AGAP1: variants seen among roughly 807,000 people sequenced by gnomAD.
AGAP1 encodes arf-GAP with GTPase, ANK repeat and PH domain-containing protein 1.
AGAP1 carries 29 observed loss-of-function variants against 105.3 expected under a neutral mutation model. The observed-to-expected ratio is 0.28, with a 90% CI of 0.21 to 0.38. AGAP1 has a LOEUF of 0.38. Among genes scored for constraint, AGAP1 ranks in the 10% least tolerant of loss-of-function variants. The pLI is 1.00. For synonymous variants in AGAP1, 509 were observed against 485.9 expected (o/e 1.05, Z -0.63); for missense variants, 998 against 1,165.1 (o/e 0.86, Z 2.09).
chr2:236,052,485 A>G (rs2125720209), intron 16 of AGAP1, among the ~76,000 whole-genome samples: 1 of 152,302 alleles, frequency 6.6e-6, no homozygotes, highest in East Asian at 1.9e-4. Context: ...ACCCCTGATT[A>G]GGGCAGCTTC....
chr2:235,878,987 G>C (rs765811817), intron 9 of AGAP1, among the ~76,000 whole-genome samples: 11 of 152,202 alleles, frequency 7.2e-5, no homozygotes, highest in Non-Finnish European at 1.3e-4. Context: ...GGCAGTGGCT[G>C]GGACACCCAG....
chr2:235,585,034 T>C (rs1200659108), intron 1 of AGAP1, among the ~76,000 whole-genome samples: 1 of 151,632 alleles, frequency 6.6e-6, no homozygotes, highest in Non-Finnish European at 1.5e-5. Context: ...TTTCTGACTC[T>C]CTGAGAGAGA....
At chr2:235,831,750 T>C (rs904935414) in intron 9 of AGAP1, among the ~76,000 whole-genome samples, 9 of 152,218 alleles carry the variant, frequency 5.9e-5, no homozygotes, top group African/African-American at 1.9e-4. Context: ...TTTGCAATTA[T>C]GATTAATGCT....
intron 6 of AGAP1, among the ~76,000 whole-genome samples, chr2:235,784,425 T>A (rs573536102): frequency 1.3e-5 from 2 of 152,212 alleles, no homozygotes; most frequent in African/African-American, 4.8e-5. Flanking sequence ...ATCAGTATTC[T>A]CTGCTGAACT....
At chr2:235,589,418 G>T (rs974661694) in intron 1 of AGAP1, among the ~76,000 whole-genome samples, 10 of 151,956 alleles carry the variant, frequency 6.6e-5, no homozygotes, top group South Asian at 4.2e-4. Context: ...TTTTGGCCAG[G>T]CTGGTCTCGA....
chr2:236,069,683 C>T (rs1236753785), intron 16 of AGAP1, among the ~76,000 whole-genome samples: 1 of 152,194 alleles, frequency 6.6e-6, no homozygotes, highest in African/African-American at 2.4e-5. Flanking sequence ...CTCAGCCTCC[C>T]AAAGTGCTGG....
chr2:235,499,506 C>G (rs1482508633), intron 1 of AGAP1, among the ~76,000 whole-genome samples: 1 of 152,204 alleles, frequency 6.6e-6, no homozygotes, highest in African/African-American at 2.4e-5. Context: ...CAGTCCCCTC[C>G]TTAAAAATAA....
intron 6 of AGAP1, among the ~76,000 whole-genome samples, chr2:235,764,207 G>A (rs1389736665): frequency 1.3e-5 from 2 of 152,202 alleles, no homozygotes; most frequent in African/African-American, 2.4e-5. Flanking sequence ...ACACTTCAAA[G>A]GAGGCAAAGA....
intron 1 of AGAP1, among the ~76,000 whole-genome samples, chr2:235,672,743 A>C (rs1948503882): frequency 6.6e-6 from 1 of 152,236 alleles, no homozygotes; most frequent in Non-Finnish European, 1.5e-5. Flanking sequence ...GAGAGAAAGA[A>C]AAACGCACAG....
intron 1 of AGAP1, among the ~76,000 whole-genome samples, chr2:235,570,041 T>C (rs943325561): frequency 2.0e-5 from 3 of 152,246 alleles, no homozygotes; most frequent in African/African-American, 7.2e-5. Flanking sequence ...TTTCTTTCCT[T>C]CTCTCTGTTT....
intron 1 of AGAP1, among the ~76,000 whole-genome samples, chr2:235,702,934 G>GTTTTTTTTTTTTTTTTTTTT (rs549844265): frequency 0.076 from 6,713 of 88,210 alleles, 1,522 homozygotes; most frequent in Non-Finnish European, 0.11. Flanking sequence ...AGTTTTCTTG[G>GTTTTTTTTTTTTTTTTTTTT]TTTTTTTTTT....
intron 11 of AGAP1, among the ~76,000 whole-genome samples, chr2:235,917,696 AAT>A (rs1385181777): frequency 1.3e-5 from 2 of 152,154 alleles, no homozygotes; most frequent in African/African-American, 4.8e-5. Flanking sequence ...CCCGGAGATT[AAT>A]GAGGCCTAAG....
chr2:235,768,348 T>C (rs2149829311), intron 6 of AGAP1, among the ~76,000 whole-genome samples: 1 of 152,352 alleles, frequency 6.6e-6, no homozygotes, highest in Admixed American at 6.5e-5. Context: ...CTCAGTATTC[T>C]TCAAACATTT....
rs140923135 is a variant in AGAP1 at position 235,960,434 on chromosome 2, G to A, written c.1484-8028G>A. On this transcript the variant is annotated intron_variant, in intron 12 of 17. Coordinates refer to ENST00000304032, the MANE Select transcript of AGAP1 (RefSeq NM_001037131.3). The surrounding 1 kb of genome is among the most constrained non-coding windows in gnomAD (Gnocchi z 4.9). ...CCAGCCCTCTCCTGGGCTTTCTCCC[G>A]GTGCAATGACACCTTCATCTCCCTG... 2.0e-3 allele frequency among the ~76,000 whole-genome samples: 305 copies of A among 152,184 alleles called. No individual in the cohort carries two copies. The highest frequency in any genetic ancestry group is 3.4e-3 in the Non-Finnish European group (232 of 68,000).
intron 16 of AGAP1, among the ~76,000 whole-genome samples, chr2:236,081,050 C>G (rs1476085961): frequency 6.6e-6 from 1 of 152,168 alleles, no homozygotes; most frequent in Non-Finnish European, 1.5e-5. Flanking sequence ...CCACATTATT[C>G]TGACCTCTGT....
chr2:235,496,794 G>T (rs1029470028), intron 1 of AGAP1, among the ~76,000 whole-genome samples: 2 of 151,784 alleles, frequency 1.3e-5, no homozygotes, highest in Non-Finnish European at 2.9e-5. Flanking sequence ...CTAGATGATG[G>T]TTTTTTTTGA....
rs1292099537 is a variant in AGAP1, at chr2:236,000,494, C to A, written c.1645+31871C>A. 6.6e-6 allele frequency among the ~76,000 whole-genome samples: 1 copy of A among 152,156 alleles called. No individual in the cohort carries two copies. Among genetic ancestry groups the A allele is most frequent in the Admixed American group, 6.5e-5 (1 of 15,282 alleles). On this transcript the variant is annotated intron_variant, in intron 13 of 17. Transcript: ENST00000304032. This position sits in a 1 kb window ranked among gnomAD's most constrained non-coding sequence, Gnocchi z 4.3. The stretch of plus-strand genomic sequence containing the variant: ...GTCCCCCTCCTCCAGTCCAGTCCCC[C>A]ACCCTGAGCGTTGATGGTGGGGTGT...
Position 236,109,666 on chromosome 2 carries a change from G to A in AGAP1, c.2115-10526G>A, listed in dbSNP as rs748594278. Among the ~76,000 whole-genome samples, 11 of 152,196 alleles carry A rather than the reference G, an allele frequency of 7.2e-5. No homozygotes were observed. The highest frequency in any genetic ancestry group is 1.3e-4 in the Admixed American group (2 of 15,282). On this transcript the variant is annotated intron_variant, in intron 16 of 17. Transcript: ENST00000304032. This position sits in a 1 kb window ranked among gnomAD's most constrained non-coding sequence, Gnocchi z 5.4. ...TGGGAACGTCCTAGTCGGCGGCAGC[G>A]TCGGTGCTCTGGACCGGCAGCCGTG...
Position 235,793,543 on chromosome 2 carries a change from G to A in AGAP1, c.674-4216G>A, listed in dbSNP as rs1487462639. ...CCCAGAGCCGTCGGATTGCTCTGGTGCACTTGCTGCCTGGTTTTTCTCACC... is the reference window on the plus strand; with the variant it reads ...CCCAGAGCCGTCGGATTGCTCTGGTACACTTGCTGCCTGGTTTTTCTCACC... On this transcript the variant is annotated intron_variant, in intron 6 of 17. Transcript: ENST00000304032. This position sits in a 1 kb window ranked among gnomAD's most constrained non-coding sequence, Gnocchi z 5.3. 1.3e-5 allele frequency among the ~76,000 whole-genome samples: 2 copies of A among 152,168 alleles called. No individual in the cohort carries two copies. The highest frequency in any genetic ancestry group is 2.9e-5 in the Non-Finnish European group (2 of 68,040).
Sources: gnomAD v4.1 joint callset for allele counts (sites outside exome capture counted in the v4.1 genomes callset) on GRCh38, gnomAD v4.1.1 for gene constraint, Gnocchi (gnomAD v3.1) non-coding constraint, MANE v1.5 for transcripts, NCBI Gene and HGNC (gene_info 2026-07-23, HGNC 2026-07-21) for gene names.